ECE1: variants seen among roughly 807,000 people sequenced by gnomAD.
ECE1 encodes the protein endothelin converting enzyme 1.
Under a neutral mutation model 98.6 loss-of-function variants are expected in ECE1, and 35 were observed. The observed-to-expected ratio is 0.35, with a 90% CI of 0.27 to 0.47. The LOEUF is 0.47. ECE1 is among the 20% of genes least tolerant of loss of function. The pLI, the probability that ECE1 is intolerant of heterozygous loss-of-function variation, is 1.00. For missense variants in ECE1, 814 were observed against 1,025.3 expected, an observed-to-expected ratio of 0.79 and a Z score of 2.81; for synonymous variants, 394 against 407.1, an observed-to-expected ratio of 0.97 and a Z score of 0.39.
At chr1:21,343,482 G>A (rs1399971868) in intron 1 of ECE1, among the ~76,000 whole-genome samples, 1 of 152,218 alleles carries the variant, frequency 6.6e-6, no homozygotes, top group African/African-American at 2.4e-5. Context: ...GACAACCCCT[G>A]GGGCAAATAG....
rs751795607 is a variant in ECE1, at chr1:21,227,195, C to T, written c.1813G>A (p.Val605Met). The stretch of plus-strand genomic sequence containing the variant: ...AAAGCATGAGTCAGCTCATGGCCCA[C>T]GACGACACCTATGCCACCAAAGTTT... ...ALNFGGIGVV[V>M]GHELTHAFDD... Residue 605 changes from valine to methionine, a missense_variant, in exon 16 of 19, where the codon GTG (valine) becomes ATG (methionine). By Grantham distance (21) the Val-to-Met change is conservative (BLOSUM62 1). This residue lies in a region of ECE1 where 452 missense variants were observed against 567.3 expected (regional missense o/e 0.80). Transcript: ENST00000374893. 5.0e-6 allele frequency: 8 copies of T among 1,614,108 alleles called. No individual in the cohort carries two copies. The highest frequency in any genetic ancestry group is 3.3e-5 in the South Asian group (3 of 91,086).
intron 1 of ECE1, among the ~76,000 whole-genome samples, chr1:21,302,052 C>T (rs169885): frequency 0.46 from 70,092 of 151,944 alleles, 16,581 homozygotes; most frequent in African/African-American, 0.58. Context: ...CAGGAAAGCA[C>T]GTGAGGCCCA....
chr1:21,345,206 C>T lies in ECE1; in HGVS notation c.3+170G>A. The T allele has an allele frequency of 1.1e-6, 1 of 921,432 alleles. No homozygotes were observed. The allele number at this position is 921,432 out of a possible 1,614,324, so 57.1% of individuals were successfully genotyped here. ...CGCCGCCGGGAGAGCCGCGCTCTGC[C>T]CGGGCGCTCCCCGACTCCACGCCTT... is the stretch of plus-strand genomic sequence containing the variant. On this transcript the variant is annotated intron_variant, in intron 1 of 18. Coordinates refer to the ECE1 transcript ENST00000415912. This position sits in a 1 kb window ranked among gnomAD's most constrained non-coding sequence, Gnocchi z 5.1.
chr1:21,253,479 C>T (rs1298937538), intron 8 of ECE1, among the ~76,000 whole-genome samples: 1 of 152,106 alleles, frequency 6.6e-6, no homozygotes, highest in Non-Finnish European at 1.5e-5. Context: ...TTAAGAACCA[C>T]AGGCCGGGCG....
intron 1 of ECE1, among the ~76,000 whole-genome samples, chr1:21,301,472 G>A (rs1325271022): frequency 1.3e-5 from 2 of 151,576 alleles, no homozygotes; most frequent in Non-Finnish European, 2.9e-5. Context: ...TCCAGCCTGG[G>A]CGACAGCGAG....
intron 8 of ECE1, among the ~76,000 whole-genome samples, chr1:21,253,175 G>T (rs937491289): frequency 2.6e-5 from 4 of 151,984 alleles, no homozygotes; most frequent in African/African-American, 7.2e-5. Flanking sequence ...TCCTGCCTCA[G>T]CCTACCGAGT....
chr1:21,285,780 T>C (rs1053801784), intron 2 of ECE1, among the ~76,000 whole-genome samples: 2 of 149,176 alleles, frequency 1.3e-5, no homozygotes, highest in African/African-American at 5.0e-5. Context: ...TCACCTGAGG[T>C]CGGGAGTTTG....
intron 3 of ECE1, among the ~76,000 whole-genome samples, chr1:21,278,749 GCAGA>G (rs2098250600): frequency 1.3e-5 from 2 of 152,298 alleles, no homozygotes; most frequent in South Asian, 4.1e-4. Context: ...ACTAGAGATA[GCAGA>G]CAATGTCAGC....
intron 3 of ECE1, 38 bp downstream of exon 3, chr1:21,279,153 A>G: frequency 6.2e-7 from 1 of 1,613,984 alleles, no homozygotes; most frequent in Non-Finnish European, 8.5e-7. Flanking sequence ...CGGGTGCAGG[A>G]GTGAGTCAAG....
chr1:21,265,177 A>G (rs1050691936), intron 4 of ECE1, among the ~76,000 whole-genome samples: 6 of 152,210 alleles, frequency 3.9e-5, no homozygotes, highest in African/African-American at 7.2e-5. Flanking sequence ...CTGATGCATA[A>G]TTGGTGAGTG....
rs1369937368 is a variant in ECE1, at chr1:21,322,660, C to CGTGGTT, written c.3+22715_3+22716insAACCAC. Among the ~76,000 whole-genome samples, 1 of 152,164 alleles carries CGTGGTT rather than the reference C, an allele frequency of 6.6e-6. No individual in the cohort carries two copies. Among genetic ancestry groups the CGTGGTT allele is most frequent in the East Asian group, 1.9e-4 (1 of 5,188 alleles). On this transcript the variant is annotated intron_variant, in intron 1 of 18. Transcript: ENST00000415912. This position sits in a 1 kb window ranked among gnomAD's most constrained non-coding sequence, Gnocchi z 4.1. ...CTGAGGGGTTGGAAGTTGATCTAAC[C>CGTGGTT]ACCTAGCTGGGGAAAAGGACAAGAA...
intron 10 of ECE1, among the ~76,000 whole-genome samples, chr1:21,242,523 T>C (rs2098197872): frequency 6.6e-6 from 1 of 152,220 alleles, no homozygotes; most frequent in Non-Finnish European, 1.5e-5. Flanking sequence ...AGGAGGGACC[T>C]GGCCTGGGCC....
chr1:21,273,348 T>TGC (rs1422724798), intron 3 of ECE1, among the ~76,000 whole-genome samples: 7 of 59,000 alleles, frequency 1.2e-4, no homozygotes, highest in East Asian at 1.6e-3. Context: ...CGTGTGTGCG[T>TGC]GTGTGTGTGT....
chr1:21,268,118 C>G (rs979952533), intron 4 of ECE1, among the ~76,000 whole-genome samples: 1 of 152,054 alleles, frequency 6.6e-6, no homozygotes, highest in Non-Finnish European at 1.5e-5. Context: ...CCTAGAGAGG[C>G]CCTTTGGTAG....
intron 2 of ECE1, 108 bp downstream of exon 2, chr1:21,289,962 A>G (rs1402114254): frequency 3.5e-5 from 41 of 1,187,534 alleles, no homozygotes; most frequent in Non-Finnish European, 4.1e-5. Context: ...GAGGGAGGGG[A>G]AGGGAGGGGA....
chr1:21,224,146 C>T (rs978316504), intron 17 of ECE1, among the ~76,000 whole-genome samples: 5 of 152,044 alleles, frequency 3.3e-5, no homozygotes, highest in African/African-American at 1.2e-4. Context: ...AGACCATTTT[C>T]CCCAGCTTTT....
At chr1:21,263,226 AC>A (rs2098229353) in intron 4 of ECE1, among the ~76,000 whole-genome samples, 1 of 152,154 alleles carries the variant, frequency 6.6e-6, no homozygotes, top group South Asian at 2.1e-4. Flanking sequence ...CTGGATAGGG[AC>A]CTAGTAGGCC....
At chr1:21,269,297 C>T (rs1481618953) in intron 4 of ECE1, among the ~76,000 whole-genome samples, 1 of 152,228 alleles carries the variant, frequency 6.6e-6, no homozygotes, top group Non-Finnish European at 1.5e-5. Context: ...ATGCAGCCTA[C>T]TCCATGAGTT....
Position 21,336,500 on chromosome 1 carries a change from G to C in ECE1, c.3+8876C>G, listed in dbSNP as rs371068221. On this transcript the variant is annotated intron_variant, in intron 1 of 18. Coordinates refer to the ECE1 transcript ENST00000415912. Reference sequence around the variant, plus strand: ...ACCTGAGGTCAGGAGTTCGAGACCAGGCTGGCCAACATGGTGAAACCCCGT... The same window carrying C: ...ACCTGAGGTCAGGAGTTCGAGACCACGCTGGCCAACATGGTGAAACCCCGT... 3.9e-5 allele frequency among the ~76,000 whole-genome samples: 6 copies of C among 151,990 alleles called. No homozygotes were observed. In the East Asian group the frequency reaches 1.2e-3, roughly 29 times the overall value.
Sources: allele counts gnomAD v4.1 joint callset (sites outside exome capture counted in the v4.1 genomes callset), GRCh38; gene constraint gnomAD v4.1.1; regional missense constraint gnomAD v4.1.1; non-coding constraint Gnocchi (gnomAD v3.1); transcripts MANE v1.5; gene names NCBI Gene and HGNC (gene_info 2026-07-23, HGNC 2026-07-21).